RBFOX1: variants seen among roughly 807,000 people sequenced by gnomAD.
The protein encoded by RBFOX1 is RNA binding protein fox-1 homolog 1.
In RBFOX1, 8 loss-of-function variants were observed where a neutral mutation model predicts 57.7. The observed-to-expected ratio is 0.14, with a 90% confidence interval of 0.08 to 0.25. The LOEUF is 0.25. Among genes scored for constraint, RBFOX1 ranks in the 10% least tolerant of loss-of-function variants. The pLI is 1.00. For missense variants in RBFOX1, 611 were observed against 548.5 expected (o/e 1.11, Z -1.14); for synonymous variants, 326 against 222.4 (o/e 1.47, Z -4.15).
intron 2 of RBFOX1, among the ~76,000 whole-genome samples, chr16:6,607,060 C>T (rs1172991575): frequency 6.6e-6 from 1 of 152,236 alleles, no homozygotes; most frequent in African/African-American, 2.4e-5. Context: ...AATGGCTATA[C>T]ATTTTTTAAT....
intron 3 of RBFOX1, among the ~76,000 whole-genome samples, chr16:5,848,229 G>T (rs563170962): frequency 1.3e-5 from 2 of 152,046 alleles, no homozygotes; most frequent in Non-Finnish European, 2.9e-5. Flanking sequence ...ATCTTATCCA[G>T]CCCACCACCA....
intron 4 of RBFOX1, among the ~76,000 whole-genome samples, chr16:7,203,180 TCACA>T (rs2089071859): frequency 6.6e-6 from 1 of 152,170 alleles, no homozygotes; most frequent in African/African-American, 2.4e-5. Flanking sequence ...AATGTGATAC[TCACA>T]CACGCACAAT....
intron 2 of RBFOX1, among the ~76,000 whole-genome samples, chr16:6,402,714 T>G (rs2093125729): frequency 6.6e-6 from 1 of 152,226 alleles, no homozygotes; most frequent in Non-Finnish European, 1.5e-5. Context: ...AAAACATGGT[T>G]TGAAGGATAT....
At chr16:6,187,695 G>A (rs2097113859) in intron 1 of RBFOX1, among the ~76,000 whole-genome samples, 1 of 152,126 alleles carries the variant, frequency 6.6e-6, no homozygotes, top group African/African-American at 2.4e-5. Flanking sequence ...AAATTTAGAA[G>A]GAAAAATGCA....
At chr16:5,374,235 G>C (rs1285469722) in intron 1 of RBFOX1, among the ~76,000 whole-genome samples, 2 of 152,230 alleles carry the variant, frequency 1.3e-5, no homozygotes, top group East Asian at 3.8e-4. Context: ...ATTGCACCTG[G>C]CTCGTCAGTT....
intron 1 of RBFOX1, among the ~76,000 whole-genome samples, chr16:5,323,214 C>T (rs2049695): frequency 3.3e-5 from 5 of 152,390 alleles, no homozygotes; most frequent in African/African-American, 1.2e-4. Context: ...GACTCAGTAC[C>T]TATGAGTAAA....
chr16:7,701,369 G>C (rs186282632), intron 14 of RBFOX1, among the ~76,000 whole-genome samples: 2 of 152,282 alleles, frequency 1.3e-5, no homozygotes, highest in East Asian at 1.9e-4. Flanking sequence ...TCCTGCCTGA[G>C]CTCCACCTCC....
At chr16:5,780,524 A>G (rs1277182292) in intron 3 of RBFOX1, among the ~76,000 whole-genome samples, 2 of 152,222 alleles carry the variant, frequency 1.3e-5, no homozygotes, top group Non-Finnish European at 2.9e-5. Context: ...TACAGTGTGT[A>G]TTTGTCAATT....
intron 2 of RBFOX1, 58 bp downstream of exon 2, chr16:6,317,115 G>A: frequency 1.4e-6 from 2 of 1,445,544 alleles, no homozygotes; most frequent in Non-Finnish European, 1.9e-6. Context: ...CTTTGATCCT[G>A]TTCTCTCTGA....
At chr16:7,444,876 G>A (rs894765102) in intron 4 of RBFOX1, among the ~76,000 whole-genome samples, 24 of 152,250 alleles carry the variant, frequency 1.6e-4, no homozygotes, top group African/African-American at 5.8e-4. Flanking sequence ...GGGTCTGGGT[G>A]AATGCAGATA....
Position 5,433,230 on chromosome 16 carries a change from C to G in RBFOX1, c.220-33986C>G, listed in dbSNP as rs76959029. ...TCCTTGATTCTCTTGGAAGCTGTTACGGTGCAGGAGGAGTTTGTGGACATC... is the reference window on the plus strand; with the variant it reads ...TCCTTGATTCTCTTGGAAGCTGTTAGGGTGCAGGAGGAGTTTGTGGACATC... On this transcript the variant is annotated intron_variant, in intron 1 of 2. Transcript: ENST00000585867. 9.3e-3 allele frequency among the ~76,000 whole-genome samples: 1,420 copies of G among 152,252 alleles called. 12 individuals carry two copies. Among genetic ancestry groups the G allele is most frequent in the Non-Finnish European group, 0.013 (894 of 68,006 alleles).
chr16:7,083,646 G>C (rs2059540577), intron 4 of RBFOX1, among the ~76,000 whole-genome samples: 1 of 152,208 alleles, frequency 6.6e-6, no homozygotes, highest in South Asian at 2.1e-4. Context: ...TTTTTAATCA[G>C]TTTAATTTTA....
chr16:5,616,156 C>T (rs35948572), intron 3 of RBFOX1: 28,667 of 152,456 alleles, frequency 0.19, 3,827 homozygotes, highest in East Asian at 0.45. Flanking sequence ...ACAGTTCTTG[C>T]TCCCTCAGGC....
intron 4 of RBFOX1, among the ~76,000 whole-genome samples, chr16:7,115,242 A>G (rs542814648): frequency 9.2e-5 from 14 of 152,314 alleles, no homozygotes; most frequent in South Asian, 4.1e-4. Flanking sequence ...TCCCATGTCA[A>G]TGAATCTTGA....
rs1052632962 is a variant in RBFOX1 at position 7,324,360 on chromosome 16, A to G, written c.28-193787A>G. Among the ~76,000 whole-genome samples, 4 of 151,734 alleles carry G rather than the reference A, an allele frequency of 2.6e-5. No homozygotes were observed. The South Asian group carries it at 6.3e-4, about 24-fold the overall frequency. On this transcript the variant is annotated intron_variant, in intron 4 of 15. Coordinates refer to ENST00000550418, the MANE Select transcript of RBFOX1 (RefSeq NM_018723.4). ...GCTGTTAGGAGTGGCCTCTGTGTCCAGCTCCTGTAGGGTCCTGGAGCACAG... is the reference window on the plus strand; with the variant it reads ...GCTGTTAGGAGTGGCCTCTGTGTCCGGCTCCTGTAGGGTCCTGGAGCACAG...
intron 2 of RBFOX1, among the ~76,000 whole-genome samples, chr16:6,635,577 G>C (rs1429152180): frequency 1.3e-5 from 2 of 152,092 alleles, no homozygotes; most frequent in African/African-American, 2.4e-5. Flanking sequence ...TCAATAAAAA[G>C]GTTGACAGGG....
rs370878576 is a variant in RBFOX1, at chr16:6,967,218, A to G, written c.-15-84839A>G. The stretch of plus-strand genomic sequence containing the variant: ...TATACATTGATCCATCTCTCCATCC[A>G]TCATCCATTTGTTTATACATTCATC... On this transcript the variant is annotated intron_variant, in intron 3 of 15. Coordinates refer to ENST00000550418, the MANE Select transcript of RBFOX1 (RefSeq NM_018723.4). 2.2e-4 allele frequency among the ~76,000 whole-genome samples: 34 copies of G among 152,066 alleles called. No individual in the cohort carries two copies. In the East Asian group the frequency reaches 5.1e-3, roughly 23 times the overall value.
chr16:6,836,414 C>T (rs968720310), intron 3 of RBFOX1, among the ~76,000 whole-genome samples: 6 of 152,180 alleles, frequency 3.9e-5, no homozygotes, highest in Non-Finnish European at 8.8e-5. Context: ...CTTGTTTTGT[C>T]ATATTTCTCA....
rs1409399324 is a variant in RBFOX1, at chr16:6,562,855, TCTTTCTTTCTTTCTTTCTTTCTTTC to T, written c.-63-91747_-63-91723del. Among the ~76,000 whole-genome samples, 406 of 59,364 alleles carry T rather than the reference TCTTTCTTTCTTTCTTTCTTTCTTTC, an allele frequency of 6.8e-3. 23 individuals are homozygous for T. The highest frequency in any genetic ancestry group is 0.057 in the South Asian group (92 of 1,628). The allele number at this position is 59,364 out of a possible 152,430, so 38.9% of individuals were successfully genotyped here. On this transcript the variant is annotated intron_variant, in intron 2 of 15. Transcript: ENST00000550418. ...TCTTTTCTTTCTTTCTTTCTTTCTT[TCTTTCTTTCTTTCTTTCTTTCTTTC>T]TTTTTTTTTTTTTTTTTTGCATAGT...
Sources: allele counts gnomAD v4.1 joint callset (sites outside exome capture counted in the v4.1 genomes callset), GRCh38; gene constraint gnomAD v4.1.1; transcripts MANE v1.5; gene names NCBI Gene and HGNC (gene_info 2026-07-23, HGNC 2026-07-21).